The following C12orf42 variants were observed in gnomAD, a reference collection of about 807,000 sequenced individuals.
C12orf42 encodes the protein chromosome 12 open reading frame 42.
Under a neutral mutation model 21.6 loss-of-function variants are expected in C12orf42, and 25 were observed. That is an observed-to-expected ratio of 1.16 (90% confidence interval 0.84 to 1.62). The LOEUF (loss-of-function observed/expected upper bound fraction) is 1.62. Among genes scored for constraint, C12orf42 ranks in the 40% most tolerant of loss-of-function variants. The pLI, the probability that C12orf42 is intolerant of heterozygous loss-of-function variation, is 0.00. For missense variants in C12orf42, 483 were observed against 459.3 expected (o/e 1.05, Z -0.47); for synonymous variants, 174 against 175.0 (o/e 0.99, Z 0.05).
intron 2 of C12orf42, 187 bp downstream of exon 2, chr12:103,478,162 T>C (rs554667282): frequency 1.6e-4 from 84 of 509,142 alleles, no homozygotes; most frequent in Non-Finnish European, 2.7e-4. Context: ...AAAAAATAAT[T>C]TATGAAGGCA....
intron 3 of C12orf42, 142 bp downstream of exon 3, chr12:103,401,465 T>C: frequency 1.4e-6 from 1 of 722,144 alleles, no homozygotes; most frequent in Non-Finnish European, 2.3e-6. Flanking sequence ...TTTAACATTC[T>C]TCTTATTTTA....
the C12orf42 span, among the ~76,000 whole-genome samples, chr12:103,198,094 C>G: frequency 6.6e-6 from 1 of 152,218 alleles, no homozygotes; most frequent in Non-Finnish European, 1.5e-5. Context: ...TACACACACA[C>G]AGAAGCAGGC....
chr12:103,490,704 A>G (rs1031539964), intron 1 of C12orf42, among the ~76,000 whole-genome samples: 1 of 151,906 alleles, frequency 6.6e-6, no homozygotes, highest in East Asian at 1.9e-4. Flanking sequence ...AGTGTTTTTC[A>G]TTAAGTATGA....
At chr12:103,096,691 G>T in the C12orf42 span, among the ~76,000 whole-genome samples, 3 of 152,172 alleles carry the variant, frequency 2.0e-5, no homozygotes, top group Non-Finnish European at 2.9e-5. Context: ...AGATTTGAAA[G>T]AGTTCTTTCA....
intron 3 of C12orf42, among the ~76,000 whole-genome samples, chr12:103,375,427 T>G (rs538621829): frequency 1.1e-4 from 17 of 152,180 alleles, no homozygotes; most frequent in Non-Finnish European, 5.9e-5. Flanking sequence ...GTAAAAAGAT[T>G]CTTCTCAAAG....
chr12:103,281,781 A>G (rs1055739668), intron 4 of C12orf42, among the ~76,000 whole-genome samples: 1 of 152,054 alleles, frequency 6.6e-6, no homozygotes, highest in Non-Finnish European at 1.5e-5. Context: ...TCAGCCTCCC[A>G]AGTCACTGGA....
chr12:103,081,068 C>T, the C12orf42 span: 1 of 152,200 alleles, frequency 6.6e-6, no homozygotes, highest in South Asian at 2.1e-4. Context: ...CATTGACTTC[C>T]CACTTGGTAA....
the C12orf42 span, chr12:103,168,111 T>C: frequency 2.6e-5 from 12 of 455,940 alleles, no homozygotes; most frequent in South Asian, 1.4e-4. Flanking sequence ...TGGAAGTCTT[T>C]AAACATAAAG....
At chr12:103,252,732 C>G (rs989807324) in intron 10 of C12orf42, among the ~76,000 whole-genome samples, 10 of 152,126 alleles carry the variant, frequency 6.6e-5, no homozygotes, top group Admixed American at 6.5e-4. Context: ...AATTTTCTCC[C>G]ATTCTACCCA....
chr12:103,317,743 T>A (rs2039660348), intron 4 of C12orf42, among the ~76,000 whole-genome samples: 1 of 152,194 alleles, frequency 6.6e-6, no homozygotes, highest in African/African-American at 2.4e-5. Flanking sequence ...TGAACTTCAT[T>A]TAGTTATTTT....
intron 2 of C12orf42, among the ~76,000 whole-genome samples, chr12:103,464,885 G>A (rs1041936626): frequency 6.6e-6 from 1 of 152,144 alleles, no homozygotes; most frequent in Non-Finnish European, 1.5e-5. Flanking sequence ...TGGATGTGCA[G>A]TCTTATTTCT....
At chr12:103,084,126 G>T in the C12orf42 span, among the ~76,000 whole-genome samples, 1 of 152,138 alleles carries the variant, frequency 6.6e-6, no homozygotes, top group Non-Finnish European at 1.5e-5. Context: ...GTATTTCTGT[G>T]ATATAAAAGG....
downstream of C12orf42, chr12:103,267,466 TA>T (rs2035227110): frequency 6.6e-6 from 1 of 152,128 alleles, no homozygotes; most frequent in African/African-American, 2.4e-5. Flanking sequence ...GTAATATGTA[TA>T]AATGTGAAAT....
the C12orf42 span, among the ~76,000 whole-genome samples, chr12:103,213,330 G>A: frequency 1.3e-5 from 2 of 152,152 alleles, no homozygotes; most frequent in African/African-American, 2.4e-5. Flanking sequence ...AACTTATGGT[G>A]TCTAACTCCA....
the C12orf42 span, among the ~76,000 whole-genome samples, chr12:103,514,551 G>T: frequency 6.6e-6 from 1 of 152,270 alleles, no homozygotes; most frequent in South Asian, 2.1e-4. Flanking sequence ...ATGCTTCAGG[G>T]CCTTGTAGAC....
At chr12:103,401,556 T>TA (rs2047993089) in intron 3 of C12orf42, 51 bp downstream of exon 3, 2 of 1,518,376 alleles carry the variant, frequency 1.3e-6, no homozygotes, top group African/African-American at 2.7e-5. Flanking sequence ...AACTGAACCC[T>TA]AAAGGACGGC....
At chr12:103,361,755 C>T (rs1467121058) in intron 4 of C12orf42, among the ~76,000 whole-genome samples, 1 of 152,010 alleles carries the variant, frequency 6.6e-6, no homozygotes, top group Non-Finnish European at 1.5e-5. Flanking sequence ...CCCTGACTAC[C>T]TGCATGACAC....
chr12:103,196,350 C>T, the C12orf42 span, among the ~76,000 whole-genome samples: 18 of 152,094 alleles, frequency 1.2e-4, no homozygotes, highest in South Asian at 4.1e-4. Flanking sequence ...TGTTTTATCA[C>T]TAAGTATGTG....
At chr12:103,063,665 A>G in the C12orf42 span, among the ~76,000 whole-genome samples, 1 of 152,168 alleles carries the variant, frequency 6.6e-6, no homozygotes, top group Non-Finnish European at 1.5e-5. Context: ...GATTTTCCTC[A>G]GGAGCTACCC....
Sources: allele counts gnomAD v4.1 joint callset (sites outside exome capture counted in the v4.1 genomes callset), GRCh38; gene constraint gnomAD v4.1.1; transcripts MANE v1.5; gene names NCBI Gene and HGNC (gene_info 2026-07-23, HGNC 2026-07-21).